Variants in AKAP9 observed in about 807,000 individuals in gnomAD.
AKAP9 encodes the protein A-kinase anchor protein 9.
AKAP9 carries 311 observed loss-of-function variants against 488.5 expected under a neutral mutation model. The ratio of observed to expected loss-of-function variants is 0.64; its 90% confidence interval spans 0.58 to 0.70. The LOEUF is 0.70. AKAP9 is among the 30% of genes least tolerant of loss of function. The pLI, the probability that AKAP9 is intolerant of heterozygous loss-of-function variation, is 0.00. For synonymous variants in AKAP9, 1,462 were observed against 1,483.5 expected (o/e 0.99, Z 0.33); for missense variants, 4,215 against 4,374.5 (o/e 0.96, Z 1.03).
chr7:91,941,037 C>A lies in AKAP9; in HGVS notation c.-63C>A. The A allele has an allele frequency of 6.5e-7, 1 of 1,536,962 alleles. No individual in the cohort carries two copies. On this transcript the variant is annotated 5_prime_UTR_variant, in exon 1 of 50. Coordinates refer to ENST00000356239, the MANE Select transcript of AKAP9 (RefSeq NM_005751.5). ...CCGTCCCACCTCCGTCCAAATCGAC[C>A]TTTCCTTTCTATCCCCAACCACCCC...
At position 92,014,319 on chromosome 7, in the gene AKAP9, T is replaced by C. The variant is rs1334752742; in HGVS notation, c.3603T>C (p.Tyr1201=). The change falls in exon 10 of 50, where the codon TAT becomes TAC. Residue 1201 remains tyrosine (Y), a synonymous_variant. Transcript: ENST00000356239. ...LQKAVSEECS[Y]FLQTLCSVLG... ...AGGCAGTGTCTGAAGAATGTTCTTATTTTTTACAGGTAAAATGTTTAAAAG... is the reference window on the plus strand; with the variant it reads ...AGGCAGTGTCTGAAGAATGTTCTTACTTTTTACAGGTAAAATGTTTAAAAG... 1 of 1,609,326 alleles carries C rather than the reference T, an allele frequency of 6.2e-7. No individual in the cohort carries two copies. Among genetic ancestry groups the C allele is most frequent in the Non-Finnish European group, 8.5e-7 (1 of 1,176,100 alleles).
intron 20 of AKAP9, chr7:92,043,445 T>A: frequency 1.6e-6 from 1 of 612,566 alleles, no homozygotes; most frequent in Non-Finnish European, 2.0e-6. Flanking sequence ...TATTTATCTC[T>A]AATTGGTAAA....
At chr7:91,991,703 G>T (rs1328234214) in intron 3 of AKAP9, among the ~76,000 whole-genome samples, 1 of 151,484 alleles carries the variant, frequency 6.6e-6, no homozygotes, top group Non-Finnish European at 1.5e-5. Flanking sequence ...GATCTCCTGA[G>T]CTCATGATCT....
rs781775348 is a variant in AKAP9, at chr7:92,097,179, A to C, written c.10220A>C (p.Glu3407Ala). The C allele has an allele frequency of 1.7e-5, 28 of 1,613,822 alleles. No homozygotes were observed. In the African/African-American group the frequency reaches 3.3e-4, roughly 19 times the overall value. Residue 3407 changes from glutamate to alanine, a missense_variant, in exon 41 of 50, where the codon GAG becomes GCG. Physicochemically the swap from Glu to Ala is moderately radical, Grantham distance 107. This residue lies in a region of AKAP9 where 1,476 missense variants were observed against 1,477.4 expected (regional missense o/e 1.00). Coordinates refer to ENST00000356239, the MANE Select transcript of AKAP9 (RefSeq NM_005751.5). Reference protein sequence around the residue: ...ANTEGQKKMHELQSKVEDLQR... With the variant: ...ANTEGQKKMHALQSKVEDLQR... ...ACTGAGGGACAGAAAAAAATGCATG[A>C]GCTCCAGTCCAAAGTGGAAGATCTT... is the stretch of plus-strand genomic sequence containing the variant.
intron 1 of AKAP9, among the ~76,000 whole-genome samples, chr7:91,967,001 C>G (rs1464817080): frequency 6.6e-6 from 1 of 152,034 alleles, no homozygotes; most frequent in African/African-American, 2.4e-5. Context: ...TTTCATCACT[C>G]TTTTATAGTT....
intron 19 of AKAP9, 77 bp from the exon 20 acceptor site, chr7:92,042,591 A>C: frequency 9.8e-7 from 1 of 1,019,162 alleles, no homozygotes; most frequent in South Asian, 1.3e-5. Flanking sequence ...ACCAATATAG[A>C]AGAATGACAT....
chr7:92,049,917 C>G (rs1476336009), intron 21 of AKAP9, among the ~76,000 whole-genome samples: 2 of 152,160 alleles, frequency 1.3e-5, no homozygotes, highest in East Asian at 3.9e-4. Context: ...TTGCTCCCAT[C>G]TAATACACCA....
chr7:92,061,617 T>A (rs958913833), intron 23 of AKAP9, among the ~76,000 whole-genome samples, 195 bp downstream of exon 23: 1 of 139,220 alleles, frequency 7.2e-6, no homozygotes, highest in East Asian at 2.1e-4. Flanking sequence ...TATATATATA[T>A]ATAAAATTAT....
intron 12 of AKAP9, among the ~76,000 whole-genome samples, chr7:92,021,841 A>G (rs930898098): frequency 1.3e-5 from 2 of 152,218 alleles, no homozygotes; most frequent in Non-Finnish European, 2.9e-5. Context: ...TACATAGGAT[A>G]TATCTAGAGA....
rs5885797 is a variant in AKAP9 at position 91,988,297 on chromosome 7, C to CAAAAA, written c.352-3837_352-3833dup. On this transcript the variant is annotated intron_variant, in intron 3 of 49. Transcript: ENST00000356239. ...TTGGTGACAGAGCAAGACCCCCTCT[C>CAAAAA]AAAAAAAAAAAAAAAAAAAAAAAAA... Among the ~76,000 whole-genome samples the CAAAAA allele has an allele frequency of 1.5e-4, 8 of 53,652 alleles. 1 individual carries two copies. The highest frequency in any genetic ancestry group is 4.9e-4 in the African/African-American group (7 of 14,160). The allele number at this position is 53,652 out of a possible 152,430, so 35.2% of individuals were successfully genotyped here. A position where few individuals can be genotyped will look rare whatever the true frequency, so the allele number is the denominator to read the frequency against.
intron 1 of AKAP9, among the ~76,000 whole-genome samples, chr7:91,952,761 T>C (rs1167739425): frequency 6.6e-6 from 1 of 152,206 alleles, no homozygotes; most frequent in African/African-American, 2.4e-5. Context: ...GAATCTATGT[T>C]AAGGAGATTG....
intron 16 of AKAP9, among the ~76,000 whole-genome samples, chr7:92,034,535 T>C (rs1160336871): frequency 7.3e-6 from 1 of 136,160 alleles, no homozygotes; most frequent in African/African-American, 2.7e-5. Flanking sequence ...GGAGTTTCAC[T>C]CTTGTCGCCA....
chr7:91,951,160 G>T (rs1422875934), intron 1 of AKAP9, among the ~76,000 whole-genome samples: 1 of 151,810 alleles, frequency 6.6e-6, no homozygotes, highest in Non-Finnish European at 1.5e-5. Context: ...GTGAAATAAG[G>T]TAGGCAATTT....
intron 18 of AKAP9, chr7:92,041,828 G>C (rs924323279): frequency 2.3e-6 from 1 of 434,038 alleles, no homozygotes. Context: ...TAATTGAACT[G>C]CACAAATTCC....
chr7:91,992,960 G>C lies in AKAP9; in HGVS notation c.481G>C (p.Glu161Gln). The change falls in exon 5 of 50, where the codon GAA (glutamate) becomes CAA (glutamine). Residue 161 changes from glutamate (E) to glutamine (Q), a missense_variant. This residue lies in a region of AKAP9 where 2,361 missense variants were observed against 2,430.0 expected (regional missense o/e 0.97). Transcript: ENST00000356239. ...QDSPTHLEMM[E>Q]SELAGKQHEI... ...CAGTCCGACTCATCTAGAGATGATG[G>C]AAAGTGAGTTGGCTGGGAAGCAGCA... 1 of 1,614,102 alleles carries C rather than the reference G, an allele frequency of 6.2e-7. No individual in the cohort carries two copies. Among genetic ancestry groups the C allele is most frequent in the Non-Finnish European group, 8.5e-7 (1 of 1,179,992 alleles).
Position 92,063,425 on chromosome 7 carries a change from G to A in AKAP9, c.5977+939G>A, listed in dbSNP as rs972421623. ...TAGAAGACATATAAATTATACTTTT[G>A]TTGTGTCTTTTTTTTTTTTTTTCTC... On this transcript the variant is annotated intron_variant, in intron 24 of 49. Transcript: ENST00000356239. 3.2e-6 allele frequency: 3 copies of A among 936,906 alleles called. No homozygotes were observed. The African/African-American group carries it at 6.3e-5, about 20-fold the overall frequency. The allele number at this position is 936,906 out of a possible 1,614,324, so 58.0% of individuals were successfully genotyped here. A position where few individuals can be genotyped will look rare whatever the true frequency, so the allele number is the denominator to read the frequency against.
chr7:92,094,712 AG>A (rs1816257077), intron 39 of AKAP9, among the ~76,000 whole-genome samples: 1 of 152,098 alleles, frequency 6.6e-6, no homozygotes, highest in African/African-American at 2.4e-5. Flanking sequence ...GGGCACCTGT[AG>A]TCCCAGCTAC....
In AKAP9 at chr7:92,030,004, T is replaced by C. The variant is rs1803958898; in HGVS notation, c.4245+13T>C. On this transcript the variant is annotated intron_variant, in intron 15 of 49. Transcript: ENST00000356239. ...TGGTACAATAGAGGTATTATATTTT[T>C]AATTTTTATCTTTTAACTGTTATAT... 2 of 1,547,784 alleles carry C rather than the reference T, an allele frequency of 1.3e-6. No individual in the cohort carries two copies. Among genetic ancestry groups the C allele is most frequent in the Non-Finnish European group, 8.9e-7 (1 of 1,123,208 alleles).
In AKAP9 at chr7:92,096,820, G is replaced by A. The variant is rs976804494; in HGVS notation, c.9861G>A (p.Gln3287=). ...IESQRMLYDA[Q]LSEEQGRNLE... is the part of the protein sequence containing the mutation. ...CACAGAGAATGCTATATGATGCCCA[G>A]TTGTCAGAAGAACAAGGTCGAAACT... Residue 3287 remains glutamine, a synonymous_variant, in exon 41 of 50, where the codon CAG becomes CAA. Transcript: ENST00000356239. The A allele has an allele frequency of 1.2e-6, 2 of 1,614,076 alleles. No homozygotes were observed. The highest frequency in any genetic ancestry group is 2.7e-5 in the African/African-American group (2 of 74,924).
Sources: allele counts gnomAD v4.1 joint callset (sites outside exome capture counted in the v4.1 genomes callset), GRCh38; gene constraint gnomAD v4.1.1; regional missense constraint gnomAD v4.1.1; transcripts MANE v1.5; gene names NCBI Gene and HGNC (gene_info 2026-07-23, HGNC 2026-07-21).